The following MDN1 variants were observed in gnomAD, a reference collection of about 807,000 sequenced individuals.
The protein encoded by MDN1 is midasin AAA ATPase 1.
A neutral mutation model predicts 669.2 loss-of-function variants in MDN1; 266 were observed. The observed-to-expected ratio is 0.40, with a 90% CI of 0.36 to 0.44. The LOEUF (loss-of-function observed/expected upper bound fraction) is 0.44, where lower values mean the gene tolerates loss of function less well. Ranked by LOEUF, MDN1 falls within the 20% of genes least tolerant of loss-of-function variation. MDN1 has a pLI of 1.00. For synonymous variants in MDN1, 2,385 were observed against 2,457.1 expected (o/e 0.97, Z 0.87); for missense variants, 5,940 against 6,754.0 (o/e 0.88, Z 4.22).
chr6:89,774,527 A>C, intron 13 of MDN1, 94 bp downstream of exon 13: 1 of 870,196 alleles, frequency 1.1e-6, no homozygotes, highest in Non-Finnish European at 1.9e-6. Flanking sequence ...CAGTTCAGAC[A>C]TGTGTTTTGC....
intron 1 of MDN1, among the ~76,000 whole-genome samples, chr6:89,809,935 G>C (rs1768278263): frequency 7.2e-6 from 1 of 138,242 alleles, no homozygotes; most frequent in Non-Finnish European, 1.5e-5. Flanking sequence ...AGGCTGCAGT[G>C]AGCCATGATT....
chr6:89,724,967 G>A (rs1433682829), intron 38 of MDN1, among the ~76,000 whole-genome samples: 1 of 152,116 alleles, frequency 6.6e-6, no homozygotes, highest in Non-Finnish European at 1.5e-5. Flanking sequence ...AAAAGGCTGG[G>A]GACCTTACTT....
chr6:89,788,094 A>C (rs1234626242), intron 7 of MDN1, 137 bp from the exon 8 acceptor site: 1 of 733,800 alleles, frequency 1.4e-6, no homozygotes, highest in Non-Finnish European at 2.3e-6. Context: ...AACTGGGGTC[A>C]GTATGCAGGT....
At chr6:89,798,107 G>A (rs557182931) in intron 2 of MDN1, among the ~76,000 whole-genome samples, 147 of 150,954 alleles carry the variant, frequency 9.7e-4, no homozygotes, top group African/African-American at 3.4e-3. Flanking sequence ...GCGTGAACCC[G>A]GGAGGCGGAG....
intron 11 of MDN1, among the ~76,000 whole-genome samples, chr6:89,778,118 C>G (rs189007828): frequency 6.6e-6 from 1 of 151,648 alleles, no homozygotes; most frequent in South Asian, 2.1e-4. Flanking sequence ...ATTTTTTCAT[C>G]CTTTTTAAAA....
intron 64 of MDN1, 50 bp downstream of exon 64, chr6:89,690,623 T>C (rs375438638): frequency 8.4e-5 from 135 of 1,601,538 alleles, no homozygotes; most frequent in Non-Finnish European, 9.9e-5. Context: ...GGAATGTATA[T>C]GGCATCAAGG....
intron 9 of MDN1, among the ~76,000 whole-genome samples, chr6:89,783,277 C>CG (rs961122770): frequency 7.2e-4 from 110 of 152,010 alleles, no homozygotes; most frequent in Middle Eastern, 3.4e-3. Context: ...AATGCATTCC[C>CG]GGGGGGGAGG....
chr6:89,673,316 T>C lies in MDN1; in HGVS notation c.13394A>G (p.Tyr4465Cys). Residue 4465 changes from tyrosine to cysteine, a missense_variant, in exon 80 of 102, where the codon TAT (tyrosine) becomes TGT (cysteine). Tyr to Cys is a radical substitution (Grantham distance 194, BLOSUM62 -2). This residue lies in a region of MDN1 where 2,280 missense variants were observed against 2,576.3 expected (regional missense o/e 0.88). Transcript: ENST00000369393. ...SQMALVESLE[Y>C]VRGEISKAMA... is the part of the protein sequence containing the mutation. ...GGCTTTACTAATTTCTCCTCTTACA[T>C]ATTCCAGACTTTCAACTAGTGCCAT... 6.2e-7 allele frequency: 1 copy of C among 1,614,188 alleles called. No individual in the cohort carries two copies. The highest frequency in any genetic ancestry group is 8.5e-7 in the Non-Finnish European group (1 of 1,180,010).
intron 11 of MDN1, among the ~76,000 whole-genome samples, chr6:89,779,254 G>A (rs1370039691): frequency 6.6e-6 from 1 of 152,112 alleles, no homozygotes; most frequent in African/African-American, 2.4e-5. Flanking sequence ...AATTCCTCTG[G>A]TTACCATAGT....
intron 52 of MDN1, 107 bp from the exon 53 acceptor site, chr6:89,706,299 C>A: frequency 8.2e-7 from 1 of 1,214,876 alleles, no homozygotes; most frequent in Non-Finnish European, 1.1e-6. Flanking sequence ...ATCCCCAGTA[C>A]AAAGGTCAAT....
At chr6:89,650,997 C>CA in intron 95 of MDN1, 150 bp from the exon 96 acceptor site, 1 of 603,814 alleles carries the variant, frequency 1.7e-6, no homozygotes. Context: ...AGCAAGCTAC[C>CA]ATGTAATTTA....
intron 7 of MDN1, among the ~76,000 whole-genome samples, chr6:89,789,205 C>G (rs776805057): frequency 2.0e-5 from 3 of 152,234 alleles, no homozygotes; most frequent in Middle Eastern, 3.4e-3. Context: ...TCCTGCAATA[C>G]ATTTTTTGTC....
At chr6:89,701,754 T>G (rs1233161524) in intron 54 of MDN1, 76 bp from the exon 55 acceptor site, 6 of 1,513,050 alleles carry the variant, frequency 4.0e-6, no homozygotes, top group African/African-American at 1.4e-5. Flanking sequence ...CCATTAATAT[T>G]TTCTTTCTTT....
At chr6:89,819,393 G>C in intron 1 of MDN1, 113 bp downstream of exon 1, 1 of 1,011,918 alleles carries the variant, frequency 9.9e-7, no homozygotes, top group Non-Finnish European at 1.5e-6. Flanking sequence ...AGCTTGACCT[G>C]AGGCTGCACC....
chr6:89,701,402 C>T (rs898178663), intron 55 of MDN1, among the ~76,000 whole-genome samples, 156 bp downstream of exon 55: 1 of 152,166 alleles, frequency 6.6e-6, no homozygotes, highest in Admixed American at 6.5e-5. Context: ...CAAGGAGAAT[C>T]CTGGAACCAA....
At position 89,790,218 on chromosome 6, in the gene MDN1, C is replaced by T; in HGVS notation, c.1039G>A (p.Gly347Ser). ...SLVEYLAAVTGRTKPPQLLKV... is the reference protein window; with the variant it reads ...SLVEYLAAVTSRTKPPQLLKV... ...AGAAGCTGAGGAGGCTTTGTTCTACCTGTCACTGCAGCTAAATATTCAACT... is the reference window on the plus strand; with the variant it reads ...AGAAGCTGAGGAGGCTTTGTTCTACTTGTCACTGCAGCTAAATATTCAACT... Residue 347 changes from glycine (G) to serine (S), a missense_variant, in exon 6 of 102, where the codon GGT becomes AGT. Transcript: ENST00000369393. 2 of 1,614,126 alleles carry T rather than the reference C, an allele frequency of 1.2e-6. No homozygotes were observed. The highest frequency in any genetic ancestry group is 1.7e-6 in the Non-Finnish European group (2 of 1,179,992).
rs954441964 is a variant in MDN1 at position 89,688,003 on chromosome 6, C to A, written c.11355+75G>T. ...GCCCAAACTATAATTTTCTGTCTAA[C>A]AACAAAGGTGCCACAAGACGTATCT... On this transcript the variant is annotated intron_variant, in intron 67 of 101. Coordinates refer to ENST00000369393, the MANE Select transcript of MDN1 (RefSeq NM_014611.3). The A allele has an allele frequency of 1.2e-5, 15 of 1,287,578 alleles. No homozygotes were observed. The African/African-American group carries it at 1.9e-4, about 16-fold the overall frequency. 79.8% of individuals were successfully genotyped at this position (1,287,578 alleles called of 1,614,324 possible).
rs780761719 is a variant in MDN1, at chr6:89,719,044, C to T, written c.6058-14G>A. 20 of 1,613,738 alleles carry T rather than the reference C, an allele frequency of 1.2e-5. No homozygotes were observed. In the African/African-American group the frequency reaches 2.4e-4, roughly 19 times the overall value. On this transcript the variant is annotated splice_polypyrimidine_tract_variant and intron_variant, in intron 41 of 101. Transcript: ENST00000369393. ...TGAGTAGCCCAACTGAAAAGACATG[C>T]CAGTGAGATTTCCATAAGCGTGCCT...
In MDN1 at chr6:89,743,734, GA is replaced by G. The variant is rs1466641132; in HGVS notation, c.4179-21del. 1.2e-6 allele frequency: 2 copies of G among 1,609,270 alleles called. No homozygotes were observed. ...CCACACCTGTTAGAGATGTGCAACT[GA>G]TTAACAAGGCATGTGTTTCAAATAC... is the stretch of plus-strand genomic sequence containing the variant. On this transcript the variant is annotated intron_variant, in intron 29 of 101. Transcript: ENST00000369393.
Sources: gnomAD v4.1 joint callset for allele counts (sites outside exome capture counted in the v4.1 genomes callset) on GRCh38, gnomAD v4.1.1 for gene constraint, gnomAD v4.1.1 regional missense constraint, MANE v1.5 for transcripts, NCBI Gene and HGNC (gene_info 2026-07-23, HGNC 2026-07-21) for gene names.